The following KDM4B variants were observed in gnomAD, a reference collection of about 807,000 sequenced individuals.
The protein encoded by KDM4B is lysine demethylase 4B.
A neutral mutation model predicts 125.2 loss-of-function variants in KDM4B; 32 were observed. The observed-to-expected ratio is 0.26, with a 90% CI of 0.19 to 0.34. KDM4B has a LOEUF of 0.34. KDM4B is among the 10% of genes least tolerant of loss of function. KDM4B has a pLI of 1.00. For synonymous variants in KDM4B, 721 were observed against 677.9 expected, an observed-to-expected ratio of 1.06 and a Z score of -0.99; for missense variants, 1,190 against 1,577.7, an observed-to-expected ratio of 0.75 and a Z score of 4.16.
chr19:5,134,228 C>T, intron 14 of KDM4B, among the ~76,000 whole-genome samples, 167 bp downstream of exon 14: 1 of 152,184 alleles, frequency 6.6e-6, no homozygotes, highest in Admixed American at 6.5e-5. Flanking sequence ...AGAGCCTGGT[C>T]TCTGGGTTTT....
intron 10 of KDM4B, chr19:5,111,775 G>T (rs1254992800): frequency 1.3e-6 from 1 of 765,072 alleles, no homozygotes; most frequent in Non-Finnish European, 2.4e-6. Context: ...GACTTTGCAG[G>T]CCAGGCCTCC....
At position 5,029,556 on chromosome 19, in the gene KDM4B, A is replaced by T. The variant is rs181088456; in HGVS notation, c.-25-3310A>T. Among the ~76,000 whole-genome samples, 342 of 152,324 alleles carry T rather than the reference A, an allele frequency of 2.2e-3. 2 individuals carry two copies. The highest frequency in any genetic ancestry group is 2.7e-3 in the Non-Finnish European group (186 of 68,040). ...CCAAAGGCACAAATGGCTGGGCATG[A>T]TGGCTCATCCCTGTAATGCCAATAC... On this transcript the variant is annotated intron_variant, in intron 2 of 22. Coordinates refer to ENST00000159111, the MANE Select transcript of KDM4B (RefSeq NM_015015.3).
chr19:4,969,187 G>A lies in KDM4B; in HGVS notation c.-152G>A, dbSNP rs2034152813. 1 of 150,190 alleles carries A rather than the reference G, an allele frequency of 6.7e-6. No homozygotes were observed. The highest frequency in any genetic ancestry group is 1.5e-5 in the Non-Finnish European group (1 of 67,426). The allele number at this position is 150,190 out of a possible 1,614,324, so 9.3% of individuals were successfully genotyped here. A position where few individuals can be genotyped will look rare whatever the true frequency, so the allele number is the denominator to read the frequency against. On this transcript the variant is annotated 5_prime_UTR_variant, in exon 1 of 23. Coordinates refer to ENST00000159111, the MANE Select transcript of KDM4B (RefSeq NM_015015.3). The stretch of plus-strand genomic sequence containing the variant: ...GGGGTGCGACGCCGAGGGCGGGGGA[G>A]AGCGCGCCGCTGCTCCCGGACCGGG...
At chr19:5,102,176 G>A (rs971454424) in intron 9 of KDM4B, among the ~76,000 whole-genome samples, 1 of 152,138 alleles carries the variant, frequency 6.6e-6, no homozygotes, top group African/African-American at 2.4e-5. Flanking sequence ...CCGTCTGCTC[G>A]CCACGTCCCA....
chr19:5,023,564 C>G (rs543550283), intron 2 of KDM4B, among the ~76,000 whole-genome samples: 1 of 152,232 alleles, frequency 6.6e-6, no homozygotes, highest in East Asian at 1.9e-4. Flanking sequence ...AGCGAGATGG[C>G]AGCACAGGGG....
intron 3 of KDM4B, among the ~76,000 whole-genome samples, chr19:5,033,550 T>G (rs543690025): frequency 6.6e-6 from 1 of 151,618 alleles, no homozygotes; most frequent in Admixed American, 6.6e-5. Flanking sequence ...ACTGCGCTCC[T>G]GCCCCGGCAG....
chr19:5,109,515 G>C (rs2039098288), intron 9 of KDM4B, among the ~76,000 whole-genome samples: 1 of 152,166 alleles, frequency 6.6e-6, no homozygotes, highest in African/African-American at 2.4e-5. Context: ...CCGGCAGGCA[G>C]CTGGAGGGGA....
In KDM4B at chr19:5,142,569, G is replaced by A. The variant is rs1049787957; in HGVS notation, c.2551-1398G>A. Among the ~76,000 whole-genome samples, 3 of 152,176 alleles carry A rather than the reference G, an allele frequency of 2.0e-5. No homozygotes were observed. Among genetic ancestry groups the A allele is most frequent in the Admixed American group, 6.5e-5 (1 of 15,306 alleles). ...GGGGCTGGGTTTCTCCTGGGCCTGG[G>A]CCGAGGGGTGGAGGCCTGTGGGTGA... On this transcript the variant is annotated intron_variant, in intron 18 of 22. Transcript: ENST00000159111. The surrounding 1 kb of genome is among the most constrained non-coding windows in gnomAD (Gnocchi z 5.4).
At chr19:5,010,322 T>C (rs376865883) in intron 1 of KDM4B, among the ~76,000 whole-genome samples, 2 of 152,212 alleles carry the variant, frequency 1.3e-5, no homozygotes, top group East Asian at 1.9e-4. Context: ...CCCTGTGCAG[T>C]GTATCAGGAG....
intron 11 of KDM4B, among the ~76,000 whole-genome samples, chr19:5,124,034 T>C (rs2039408150): frequency 6.6e-6 from 1 of 151,994 alleles, no homozygotes; most frequent in African/African-American, 2.4e-5. Flanking sequence ...GGTGGGGGGC[T>C]GCGTGGGCCA....
rs151056370 is a variant in KDM4B at position 5,085,259 on chromosome 19, G to T, written c.918+2755G>T. On this transcript the variant is annotated intron_variant, in intron 9 of 22. Coordinates refer to ENST00000159111, the MANE Select transcript of KDM4B (RefSeq NM_015015.3). ...AAGACTCTGGGCTTAGCTAAAGGAA[G>T]AGAGATCCAGAAGTTGGGATTTCAG... is the stretch of plus-strand genomic sequence containing the variant. Among the ~76,000 whole-genome samples the T allele has an allele frequency of 3.9e-3, 595 of 152,322 alleles. 1 individual carries two copies. The highest frequency in any genetic ancestry group is 0.027 in the Middle Eastern group (8 of 294).
At chr19:5,041,402 G>C in intron 5 of KDM4B, 151 bp downstream of exon 5, 1 of 577,300 alleles carries the variant, frequency 1.7e-6, no homozygotes, top group South Asian at 1.9e-5. Flanking sequence ...GCCTCGCCCT[G>C]TGGTGACGAA....
intron 3 of KDM4B, among the ~76,000 whole-genome samples, chr19:5,038,927 C>T (rs140907600): frequency 1.3e-5 from 2 of 152,388 alleles, no homozygotes; most frequent in African/African-American, 2.4e-5. Flanking sequence ...GGGGCTGGAT[C>T]TGTTTCCCAG....
At chr19:5,137,931 G>A (rs749855034) in intron 17 of KDM4B, 31 bp from the exon 18 acceptor site, 16 of 1,574,080 alleles carry the variant, frequency 1.0e-5, no homozygotes, top group Non-Finnish European at 1.2e-5. Flanking sequence ...CCTCAGAGGC[G>A]CACCTGACCC....
chr19:5,031,426 T>G (rs763280246), intron 2 of KDM4B, among the ~76,000 whole-genome samples: 2 of 152,228 alleles, frequency 1.3e-5, no homozygotes, highest in Non-Finnish European at 2.9e-5. Context: ...GGGCCTCCTG[T>G]GCAGACACTG....
chr19:5,029,189 G>A, intron 2 of KDM4B, among the ~76,000 whole-genome samples: 1 of 152,226 alleles, frequency 6.6e-6, no homozygotes, highest in East Asian at 1.9e-4. Flanking sequence ...GGGATTACAG[G>A]CATGAGCCAC....
rs150593405 is a variant in KDM4B, at chr19:5,070,667, G to A, written c.627-343G>A. 17 of 192,224 alleles carry A rather than the reference G, an allele frequency of 8.8e-5. No individual in the cohort carries two copies. In the East Asian group the frequency reaches 1.8e-3, roughly 20 times the overall value. The allele number at this position is 192,224 out of a possible 1,614,324, so 11.9% of individuals were successfully genotyped here. The stretch of plus-strand genomic sequence containing the variant: ...CCCTCCCAGGGTCCCCTCGCCACCC[G>A]CAGTTCCAATCCAATACTTTTGTTT... On this transcript the variant is annotated intron_variant, in intron 6 of 22. Transcript: ENST00000159111.
intron 18 of KDM4B, among the ~76,000 whole-genome samples, chr19:5,143,686 T>C (rs2039785649): frequency 6.6e-6 from 1 of 151,832 alleles, no homozygotes; most frequent in Admixed American, 6.6e-5. Flanking sequence ...GGGAGAGGAC[T>C]CCCCGGGGGC....
chr19:4,983,135 C>CTTTTTTTTTTTTTT (rs76958173), intron 1 of KDM4B, among the ~76,000 whole-genome samples: 1 of 130,660 alleles, frequency 7.7e-6, no homozygotes, highest in African/African-American at 2.9e-5. Context: ...TTTTTCTTTT[C>CTTTTTTTTTTTTTT]TTTTTTTTTT....
Sources: gnomAD v4.1 joint callset for allele counts (sites outside exome capture counted in the v4.1 genomes callset) on GRCh38, gnomAD v4.1.1 for gene constraint, Gnocchi (gnomAD v3.1) non-coding constraint, MANE v1.5 for transcripts, NCBI Gene and HGNC (gene_info 2026-07-23, HGNC 2026-07-21) for gene names.